ALDH4A1: variants seen among roughly 807,000 people sequenced by gnomAD.
The protein encoded by ALDH4A1 is aldehyde dehydrogenase 4 family member A1, also known as delta-1-pyrroline-5-carboxylate dehydrogenase, mitochondrial.
In ALDH4A1, 46 loss-of-function variants were observed where a neutral mutation model predicts 70.5. The observed-to-expected ratio is 0.65, with a 90% CI of 0.51 to 0.83. ALDH4A1 has a LOEUF of 0.83. ALDH4A1 is among the 40% of genes least tolerant of loss of function. The pLI is 0.00. For synonymous variants in ALDH4A1, 323 were observed against 324.3 expected, an observed-to-expected ratio of 1.00 and a Z score of 0.04; for missense variants, 749 against 766.5, an observed-to-expected ratio of 0.98 and a Z score of 0.27.
Position 18,889,413 on chromosome 1 carries a change from G to T in ALDH4A1, c.198C>A (p.Cys66Ter), listed in dbSNP as rs1469638231. 2 of 1,552,628 alleles carry T rather than the reference G, an allele frequency of 1.3e-6. No homozygotes were observed. The highest frequency in any genetic ancestry group is 2.0e-5 in the Admixed American group (1 of 51,204). The change falls in exon 3 of 15, where the codon TGC (cysteine) becomes TGA (stop). Residue 66 changes from cysteine (C) to a stop codon, truncating the protein, a stop_gained. Transcript: ENST00000375341. LOFTEE classifies it high-confidence loss of function. Reference protein sequence around the residue: ...DLKGRMEAIPCVVGDEEVWTS... With the variant: ...DLKGRMEAIP The stretch of plus-strand genomic sequence containing the variant: ...TCCACACCTCCTCATCCCCCACCAC[G>T]CATGGGATGGCTTCCATCCGGCCCT...
Position 18,883,321 on chromosome 1 carries a change from G to A in ALDH4A1, c.561C>T (p.Ser187=), listed in dbSNP as rs199723895. 1.9e-5 allele frequency: 31 copies of A among 1,613,282 alleles called. No individual in the cohort carries two copies. The highest frequency in any genetic ancestry group is 4.5e-5 in the East Asian group (2 of 44,878). ...CCGTGCTGTTGGTGCTCGGGGGCAC[G>A]CTGATGGGCTGCTGCCCCTCCAGCT... The part of the protein sequence containing the change: ...AVELEGQQPI[S]VPPSTNSTVY... Residue 187 remains serine, a synonymous_variant, in exon 6 of 15, where the codon AGC becomes AGT. Coordinates refer to ENST00000375341, the MANE Select transcript of ALDH4A1 (RefSeq NM_003748.4).
Position 18,872,518 on chromosome 1 carries a change from C to T in ALDH4A1, c.*327G>A, listed in dbSNP as rs1352819982. The T allele has an allele frequency of 1.8e-5, 4 of 228,444 alleles. No homozygotes were observed. Among genetic ancestry groups the T allele is most frequent in the African/African-American group, 9.0e-5 (4 of 44,508 alleles). The allele number at this position is 228,444 out of a possible 1,614,324, so 14.2% of individuals were successfully genotyped here. ...ATGGCCTCCTTTTCCCCAAAGGATC[C>T]CAAGAGCTGCTCCATCTCCTTTCCC... is the stretch of plus-strand genomic sequence containing the variant. On this transcript the variant is annotated 3_prime_UTR_variant, in exon 15 of 15. Coordinates refer to ENST00000375341, the MANE Select transcript of ALDH4A1 (RefSeq NM_003748.4).
intron 13 of ALDH4A1, among the ~76,000 whole-genome samples, chr1:18,874,832 G>A (rs1361097088): frequency 2.0e-5 from 3 of 152,226 alleles, no homozygotes; most frequent in Non-Finnish European, 4.4e-5. Context: ...GTTGAAGGGA[G>A]TGGCCTGTCC....
rs1408310612 is a variant in ALDH4A1, at chr1:18,890,107, T to C, written c.63-2A>G. 2 of 1,609,944 alleles carry C rather than the reference T, an allele frequency of 1.2e-6. No individual in the cohort carries two copies. Among genetic ancestry groups the C allele is most frequent in the East Asian group, 4.5e-5 (2 of 44,806 alleles). ...GAGGAGGTGTGCTTCCACCGCAGGCTGGAACACAAGGGCAGGGGACAGAGG... is the reference window on the plus strand; with the variant it reads ...GAGGAGGTGTGCTTCCACCGCAGGCCGGAACACAAGGGCAGGGGACAGAGG... On this transcript the variant is annotated splice_acceptor_variant, in intron 1 of 14. Transcript: ENST00000375341. LOFTEE classifies it high-confidence loss of function.
chr1:18,877,051 C>T (rs1352560975), intron 11 of ALDH4A1, among the ~76,000 whole-genome samples, 157 bp downstream of exon 11: 2 of 152,166 alleles, frequency 1.3e-5, no homozygotes, highest in Admixed American at 6.5e-5. Flanking sequence ...TCTGCCCTTT[C>T]TGAAGCTGGA....
In ALDH4A1 at chr1:18,876,262, G is replaced by A. The variant is rs1934674144; in HGVS notation, c.1338+53C>T. On this transcript the variant is annotated intron_variant, in intron 12 of 14. Coordinates refer to ENST00000375341, the MANE Select transcript of ALDH4A1 (RefSeq NM_003748.4). ...TCTCCAGGAGAACTGTGTGTGTGCT[G>A]TGCTCCGGTGGGATTGTCCTCCTCT... The A allele has an allele frequency of 3.1e-6, 5 of 1,598,252 alleles. No individual in the cohort carries two copies. In the East Asian group the frequency reaches 1.1e-4, roughly 36 times the overall value.
chr1:18,888,693 C>T (rs189906560), intron 3 of ALDH4A1, among the ~76,000 whole-genome samples: 2 of 152,318 alleles, frequency 1.3e-5, no homozygotes, highest in Non-Finnish European at 2.9e-5. Flanking sequence ...TGGCCAATGC[C>T]TGCAGACCCC....
intron 5 of ALDH4A1, 46 bp downstream of exon 5, chr1:18,885,427 T>TGCCACCCCCCCCCC: frequency 1.5e-6 from 1 of 650,922 alleles, no homozygotes. Context: ...CACACCTGAC[T>TGCCACCCCCCCCCC]CCCACCCCAC....
chr1:18,872,674 G>A lies in ALDH4A1; in HGVS notation c.*171C>T. ...TCCTCCCCAGCACGATCTCAAACCA[G>A]AGCCTGAGGCATGGGAGAGGCCAGA... On this transcript the variant is annotated 3_prime_UTR_variant, in exon 15 of 15. Transcript: ENST00000375341. 1 of 605,374 alleles carries A rather than the reference G, an allele frequency of 1.7e-6. No individual in the cohort carries two copies. The highest frequency in any genetic ancestry group is 2.9e-6 in the Non-Finnish European group (1 of 339,856). The allele number at this position is 605,374 out of a possible 1,614,324, so 37.5% of individuals were successfully genotyped here.
intron 12 of ALDH4A1, 32 bp from the exon 13 acceptor site, chr1:18,875,535 AC>A: frequency 1.2e-6 from 2 of 1,613,576 alleles, no homozygotes; most frequent in Non-Finnish European, 1.7e-6. Context: ...CAGACCCTCC[AC>A]GGGACCAGGG....
intron 7 of ALDH4A1, chr1:18,882,559 T>C (rs1345338816): frequency 1.9e-6 from 1 of 532,048 alleles, no homozygotes; most frequent in African/African-American, 1.9e-5. Flanking sequence ...CATCCAAATC[T>C]TTCTCTGCTC....
chr1:18,875,466 G>C lies in ALDH4A1; in HGVS notation c.1376C>G (p.Pro459Arg), dbSNP rs756299719. Reference sequence around the variant, plus strand: ...CAGCGTCTCCTTGTACTTGTCATCCGGGTAGACGTACACAGACAGTACAGG... The same window carrying C: ...CAGCGTCTCCTTGTACTTGTCATCCCGGTAGACGTACACAGACAGTACAGG... ...FGPVLSVYVY[P>R]DDKYKETLQL... Residue 459 changes from proline to arginine, a missense_variant, in exon 13 of 15, where the codon CCG becomes CGG. Transcript: ENST00000375341. 1 of 1,614,104 alleles carries C rather than the reference G, an allele frequency of 6.2e-7. No homozygotes were observed. The highest frequency in any genetic ancestry group is 2.2e-5 in the East Asian group (1 of 44,876).
chr1:18,888,119 G>A (rs903208433), intron 3 of ALDH4A1, among the ~76,000 whole-genome samples: 6 of 152,218 alleles, frequency 3.9e-5, no homozygotes, highest in African/African-American at 1.2e-4. Flanking sequence ...CACACGTGGC[G>A]GCTCATGGCC....
chr1:18,886,346 A>G, intron 4 of ALDH4A1, 118 bp downstream of exon 4: 1 of 1,132,128 alleles, frequency 8.8e-7, no homozygotes, highest in Non-Finnish European at 1.3e-6. Context: ...CCTACCCACC[A>G]TGGCCAAAGA....
At chr1:18,897,106 A>C (rs1276749818) in intron 1 of ALDH4A1, 1 of 533,330 alleles carries the variant, frequency 1.9e-6, no homozygotes, top group Admixed American at 1.9e-5. Flanking sequence ...AAAATCCGAA[A>C]TGTTCCAAAA....
chr1:18,872,782 T>C lies in ALDH4A1; in HGVS notation c.*63A>G, dbSNP rs1368331729. ...AAGGGGTGGAGGGGCTGGAGTGGGG[T>C]CTGTGCAGTGAGGTCGGCCACCTGG... On this transcript the variant is annotated 3_prime_UTR_variant, in exon 15 of 15. Transcript: ENST00000375341. 10 of 1,270,366 alleles carry C rather than the reference T, an allele frequency of 7.9e-6. No homozygotes were observed. The highest frequency in any genetic ancestry group is 1.2e-5 in the South Asian group (1 of 82,014). The allele number at this position is 1,270,366 out of a possible 1,614,324, so 78.7% of individuals were successfully genotyped here. A position where few individuals can be genotyped will look rare whatever the true frequency, so the allele number is the denominator to read the frequency against.
At chr1:18,899,686 T>C (rs923537522) in intron 1 of ALDH4A1, among the ~76,000 whole-genome samples, 1 of 152,204 alleles carries the variant, frequency 6.6e-6, no homozygotes, top group African/African-American at 2.4e-5. Flanking sequence ...AACCCCTACA[T>C]CATAGGTTGC....
In ALDH4A1 at chr1:18,882,685, T is replaced by A. The variant is rs1441224518; in HGVS notation, c.678+439A>T. On this transcript the variant is annotated intron_variant, in intron 7 of 14. Transcript: ENST00000375341. ...CTCCCTCTCGAAGCTGCTGAGAGGA[T>A]GAAATGAGATCATCTCCATGCCGTG... is the stretch of plus-strand genomic sequence containing the variant. The A allele has an allele frequency of 5.5e-6, 3 of 550,218 alleles. No homozygotes were observed. In the Admixed American group the frequency reaches 5.8e-5, roughly 11 times the overall value. The allele number at this position is 550,218 out of a possible 1,614,324, so 34.1% of individuals were successfully genotyped here.
chr1:18,876,248 A>G, intron 12 of ALDH4A1, 67 bp downstream of exon 12: 2 of 1,579,676 alleles, frequency 1.3e-6, no homozygotes, highest in East Asian at 4.5e-5. Flanking sequence ...CTCCAGGAGA[A>G]CTGTGTGTGT....
Sources: allele counts gnomAD v4.1 joint callset (sites outside exome capture counted in the v4.1 genomes callset), GRCh38; gene constraint gnomAD v4.1.1; transcripts MANE v1.5; gene names NCBI Gene and HGNC (gene_info 2026-07-23, HGNC 2026-07-21).